The following CAP2 variants were observed in gnomAD, a reference collection of about 807,000 sequenced individuals.
The protein encoded by CAP2 is adenylyl cyclase-associated protein 2.
A neutral mutation model predicts 57.7 loss-of-function variants in CAP2; 24 were observed. The ratio of observed to expected loss-of-function variants is 0.42; its 90% confidence interval spans 0.30 to 0.58. The LOEUF (loss-of-function observed/expected upper bound fraction) is 0.58, where lower values mean the gene tolerates loss of function less well. CAP2 is among the 20% of genes least tolerant of loss of function. The probability of loss-of-function intolerance (pLI) is 0.22; values close to 1 mark genes in which losing one functional copy is unlikely to be tolerated. For missense variants in CAP2, 501 were observed against 590.3 expected, an observed-to-expected ratio of 0.85 and a Z score of 1.57; for synonymous variants, 194 against 207.2, an observed-to-expected ratio of 0.94 and a Z score of 0.55.
intron 12 of CAP2, among the ~76,000 whole-genome samples, chr6:17,554,228 T>C (rs1198010633): frequency 3.9e-5 from 6 of 152,130 alleles, no homozygotes; most frequent in Non-Finnish European, 8.8e-5. Flanking sequence ...TGCCTCAGCC[T>C]CTCAAGTAGC....
intron 7 of CAP2, among the ~76,000 whole-genome samples, chr6:17,527,635 C>G (rs1210076732): frequency 7.7e-6 from 1 of 129,970 alleles, no homozygotes; most frequent in Non-Finnish European, 1.5e-5. Context: ...CTTGCTCTGT[C>G]GCCCAGGCTG....
At chr6:17,398,321 G>A (rs1478152491) in intron 1 of CAP2, among the ~76,000 whole-genome samples, 1 of 152,042 alleles carries the variant, frequency 6.6e-6, no homozygotes, top group Non-Finnish European at 1.5e-5. Context: ...TTTCCGATGT[G>A]ATTTAGTTAG....
chr6:17,476,607 G>T (rs1311346454), intron 4 of CAP2, among the ~76,000 whole-genome samples: 1 of 152,176 alleles, frequency 6.6e-6, no homozygotes, highest in Admixed American at 6.5e-5. Context: ...GGAGTGCACT[G>T]GGGAGGGCTC....
intron 3 of CAP2, among the ~76,000 whole-genome samples, chr6:17,447,048 A>T (rs1760276328): frequency 6.6e-6 from 1 of 152,094 alleles, no homozygotes; most frequent in African/African-American, 2.4e-5. Context: ...TAAGAGGCAG[A>T]GTCTCCCTCT....
chr6:17,425,856 A>G (rs907977733), intron 2 of CAP2, among the ~76,000 whole-genome samples: 3 of 152,198 alleles, frequency 2.0e-5, no homozygotes, highest in Non-Finnish European at 4.4e-5. Context: ...GTACCTTGGG[A>G]GGCCAAGGTG....
intron 3 of CAP2, among the ~76,000 whole-genome samples, chr6:17,448,970 C>G (rs1760335543): frequency 6.6e-6 from 1 of 152,190 alleles, no homozygotes; most frequent in South Asian, 2.1e-4. Context: ...CTATGTTGGC[C>G]AGGCTGGTCT....
rs553302871 is a variant in CAP2, at chr6:17,408,320, T to A, written c.-1-13235T>A. On this transcript the variant is annotated intron_variant, in intron 1 of 12. Coordinates refer to ENST00000229922, the MANE Select transcript of CAP2 (RefSeq NM_006366.3). ...GAGGAGAGGTGCCAGGCTCATTTTT[T>A]CCTTGCCACTCTACAGCTCACAAAT... Among the ~76,000 whole-genome samples the A allele has an allele frequency of 2.4e-4, 36 of 152,268 alleles. No individual in the cohort carries two copies. In the South Asian group the frequency reaches 6.2e-3, roughly 26 times the overall value.
At chr6:17,511,445 T>C (rs1762145644) in intron 6 of CAP2, among the ~76,000 whole-genome samples, 1 of 151,934 alleles carries the variant, frequency 6.6e-6, no homozygotes. Flanking sequence ...ATTGGCTGTT[T>C]TTCTCTTTCT....
chr6:17,545,138 G>C (rs1477387970), intron 11 of CAP2, among the ~76,000 whole-genome samples: 4 of 152,162 alleles, frequency 2.6e-5, no homozygotes, highest in Non-Finnish European at 5.9e-5. Flanking sequence ...TGATGGCAGA[G>C]GTGAGGGTAC....
intron 4 of CAP2, among the ~76,000 whole-genome samples, chr6:17,475,719 C>T (rs1761137903): frequency 1.3e-5 from 2 of 152,186 alleles, no homozygotes; most frequent in Admixed American, 6.5e-5. Context: ...AAAAATGTTC[C>T]AATTAGATGG....
intron 1 of CAP2, among the ~76,000 whole-genome samples, chr6:17,396,395 C>T (rs1479348651): frequency 6.6e-6 from 1 of 152,112 alleles, no homozygotes; most frequent in African/African-American, 2.4e-5. Flanking sequence ...TGGAAACAAA[C>T]CAAATGACTA....
intron 1 of CAP2, among the ~76,000 whole-genome samples, chr6:17,406,695 G>T (rs572319113): frequency 8.6e-5 from 13 of 151,930 alleles, no homozygotes; most frequent in African/African-American, 3.1e-4. Context: ...CCCTGCCCAG[G>T]TTTCTTTAGA....
intron 4 of CAP2, among the ~76,000 whole-genome samples, chr6:17,479,206 CCTGTACGTGTGTGTACACACACGT>C (rs1228804599): frequency 6.6e-6 from 1 of 152,160 alleles, no homozygotes; most frequent in Non-Finnish European, 1.5e-5. Flanking sequence ...CACACACACA[CCTGTACGTGTGTGTACACACACGT>C]CTGTACCACA....
chr6:17,550,139 C>A (rs1410416220), intron 11 of CAP2, among the ~76,000 whole-genome samples: 3 of 151,968 alleles, frequency 2.0e-5, no homozygotes, highest in Non-Finnish European at 4.4e-5. Context: ...GAGGCCAAGG[C>A]AGGTGGATCA....
chr6:17,546,049 T>A (rs1029610039), intron 11 of CAP2, among the ~76,000 whole-genome samples: 2 of 152,238 alleles, frequency 1.3e-5, no homozygotes, highest in African/African-American at 4.8e-5. Flanking sequence ...ATCCTTTGGG[T>A]ATATACCCAG....
intron 7 of CAP2, among the ~76,000 whole-genome samples, chr6:17,525,359 T>G (rs1172630715): frequency 2.0e-5 from 3 of 152,046 alleles, no homozygotes; most frequent in Non-Finnish European, 4.4e-5. Flanking sequence ...TAATATACAT[T>G]TATTGAACCT....
At chr6:17,531,285 T>A in intron 7 of CAP2, 1 of 881,288 alleles carries the variant, frequency 1.1e-6, no homozygotes, top group Non-Finnish European at 1.9e-6. Context: ...AAAGGTTCTG[T>A]TGAAGATTTG....
Position 17,496,036 on chromosome 6 carries a change from G to GGGT in CAP2, c.301-11131_301-11130insTGG, listed in dbSNP as rs1554127029. ...TGCATGCGTGTGTGGGTGGGGGGGG[G>GGGT]GGGTAAGTCAGGGAAAACAGGCTGC... On this transcript the variant is annotated intron_variant, in intron 4 of 12. Transcript: ENST00000229922. Among the ~76,000 whole-genome samples, 91 of 133,730 alleles carry GGGT rather than the reference G, an allele frequency of 6.8e-4. 1 individual carries two copies. Among genetic ancestry groups the GGGT allele is most frequent in the South Asian group, 1.5e-3 (5 of 3,418 alleles). The allele number at this position is 133,730 out of a possible 152,430, so 87.7% of individuals were successfully genotyped here.
chr6:17,532,515 G>A (rs1762670026), intron 7 of CAP2, among the ~76,000 whole-genome samples: 1 of 150,966 alleles, frequency 6.6e-6, no homozygotes, highest in South Asian at 2.1e-4. Context: ...GGAGGCCGAG[G>A]TGGGTGAATC....
Sources: gnomAD v4.1 joint callset for allele counts (sites outside exome capture counted in the v4.1 genomes callset) on GRCh38, gnomAD v4.1.1 for gene constraint, MANE v1.5 for transcripts, NCBI Gene and HGNC (gene_info 2026-07-23, HGNC 2026-07-21) for gene names.